Variants in NEK11 observed in about 807,000 individuals in gnomAD.
NEK11 encodes serine/threonine-protein kinase Nek11.
NEK11 carries 72 observed loss-of-function variants against 80.7 expected under a neutral mutation model. That is an observed-to-expected ratio of 0.89 (90% confidence interval 0.74 to 1.08). The LOEUF (loss-of-function observed/expected upper bound fraction) is 1.08. NEK11 is among the 50% of genes least tolerant of loss of function. NEK11 has a pLI of 0.00. For missense variants in NEK11, 764 were observed against 763.6 expected, an observed-to-expected ratio of 1.00 and a Z score of -0.01; for synonymous variants, 251 against 260.7, an observed-to-expected ratio of 0.96 and a Z score of 0.36.
rs193135263 is a variant in NEK11 at position 131,245,478 on chromosome 3, G to A, written c.1621+1982G>A. Among the ~76,000 whole-genome samples, 340 of 152,206 alleles carry A rather than the reference G, an allele frequency of 2.2e-3. 1 individual carries two copies. The highest frequency in any genetic ancestry group is 3.7e-3 in the Non-Finnish European group (253 of 67,982). ...CCTTTGGGTATATACCCAGTAGTGG[G>A]ATTGCTAGATTGAATGGTAGTTCTT... On this transcript the variant is annotated intron_variant, in intron 16 of 17. Transcript: ENST00000383366.
chr3:131,314,275 T>C (rs1360383188), intron 17 of NEK11, among the ~76,000 whole-genome samples: 1 of 152,178 alleles, frequency 6.6e-6, no homozygotes, highest in Non-Finnish European at 1.5e-5. Context: ...GGAACAACCA[T>C]CAAGAATACT....
intron 17 of NEK11, among the ~76,000 whole-genome samples, chr3:131,300,319 T>C (rs187061014): frequency 3.3e-5 from 5 of 152,318 alleles, no homozygotes; most frequent in Admixed American, 2.6e-4. Flanking sequence ...TTTTCTCCCA[T>C]TCTGTAGGCT....
Position 131,155,118 on chromosome 3 carries a change from C to T in NEK11, c.959C>T (p.Ala320Val). 2 of 1,593,712 alleles carry T rather than the reference C, an allele frequency of 1.3e-6. No individual in the cohort carries two copies. The highest frequency in any genetic ancestry group is 2.7e-5 in the African/African-American group (2 of 74,572). ...AAGGAGGCTGCTCATATAATTAATG[C>T]CATGTAAGTAATTGCTTTGTTTTTA... The part of the protein sequence containing the change: ...CQKEAAHIIN[A>V]MQKRIHLQTL... The change falls in exon 10 of 18, where the codon GCC (alanine) becomes GTC (valine). Residue 320 changes from alanine (A) to valine (V), a missense_variant. Physicochemically the swap from Ala to Val is moderately conservative, Grantham distance 64 (BLOSUM62 0). Transcript: ENST00000383366.
At chr3:131,238,407 A>G (rs2095468656) in intron 15 of NEK11, among the ~76,000 whole-genome samples, 1 of 152,186 alleles carries the variant, frequency 6.6e-6, no homozygotes, top group African/African-American at 2.4e-5. Flanking sequence ...CACAGAACAA[A>G]TACTTAGTAG....
chr3:131,319,330 G>A (rs1253478278), intron 17 of NEK11, among the ~76,000 whole-genome samples: 1 of 152,040 alleles, frequency 6.6e-6, no homozygotes, highest in Non-Finnish European at 1.5e-5. Flanking sequence ...CACTCACTAG[G>A]CACATCATTA....
intron 14 of NEK11, chr3:131,175,000 C>T (rs7639697): frequency 0.17 from 226,902 of 1,332,006 alleles, 20,267 homozygotes; most frequent in African/African-American, 0.31. Context: ...TAGCTCAGAC[C>T]TGTAGGTGGT....
chr3:131,275,941 C>A (rs923062971), intron 17 of NEK11, among the ~76,000 whole-genome samples: 1 of 152,124 alleles, frequency 6.6e-6, no homozygotes, highest in African/African-American at 2.4e-5. Flanking sequence ...GAAAAGTCCC[C>A]AAATAGGAGC....
chr3:131,178,793 T>C (rs1401158749), intron 14 of NEK11, among the ~76,000 whole-genome samples: 1 of 152,240 alleles, frequency 6.6e-6, no homozygotes, highest in Non-Finnish European at 1.5e-5. Flanking sequence ...CCTATACTTT[T>C]ATATGACTGA....
chr3:131,080,029 G>T (rs1398740397), intron 3 of NEK11, among the ~76,000 whole-genome samples: 1 of 106,186 alleles, frequency 9.4e-6, no homozygotes, highest in Admixed American at 1.0e-4. Flanking sequence ...ATATATATGT[G>T]TGTGTGTGTT....
chr3:131,101,585 TGA>T (rs1178106744), intron 4 of NEK11, among the ~76,000 whole-genome samples: 1 of 152,216 alleles, frequency 6.6e-6, no homozygotes, highest in Non-Finnish European at 1.5e-5. Flanking sequence ...CACTGTGGTC[TGA>T]GAGTATGCTT....
chr3:131,208,444 TG>T (rs1269081626), intron 14 of NEK11, among the ~76,000 whole-genome samples: 17 of 152,292 alleles, frequency 1.1e-4, no homozygotes, highest in Admixed American at 9.8e-4. Flanking sequence ...CTTAGCAATG[TG>T]GGCTCTTTTT....
At chr3:131,115,908 TTCTTTCTTTCTTTCTTTC>T (rs1560474028) in intron 5 of NEK11, among the ~76,000 whole-genome samples, 2 of 46,866 alleles carry the variant, frequency 4.3e-5, no homozygotes, top group African/African-American at 1.8e-4. Context: ...AGTGTTTTCT[TTCTTTCTTTCTTTCTTTC>T]TTTCTTTCTT....
At chr3:131,027,707 G>A (rs1253508949) in intron 1 of NEK11, 1 of 150,424 alleles carries the variant, frequency 6.6e-6, no homozygotes, top group African/African-American at 2.4e-5. Flanking sequence ...GTTTATGGTT[G>A]CGCAGAGGAG....
intron 17 of NEK11, among the ~76,000 whole-genome samples, chr3:131,300,334 G>A (rs574971910): frequency 4.6e-5 from 7 of 152,154 alleles, no homozygotes; most frequent in African/African-American, 1.7e-4. Context: ...TAGGCTGTTT[G>A]TTTACTCTGT....
intron 17 of NEK11, among the ~76,000 whole-genome samples, chr3:131,324,360 A>G (rs1247561798): frequency 6.6e-6 from 1 of 152,224 alleles, no homozygotes; most frequent in East Asian, 1.9e-4. Flanking sequence ...ATTCACTCTT[A>G]ACTAAGGAAG....
chr3:131,260,870 T>G (rs903861956), intron 16 of NEK11, among the ~76,000 whole-genome samples: 3 of 152,144 alleles, frequency 2.0e-5, no homozygotes, highest in African/African-American at 4.8e-5. Flanking sequence ...AAGGGCAGTG[T>G]CTGTGAGGAT....
intron 10 of NEK11, among the ~76,000 whole-genome samples, chr3:131,158,163 G>A (rs2674623): frequency 0.09 from 13,742 of 151,992 alleles, 1,138 homozygotes; most frequent in East Asian, 0.43. Context: ...GTGCAGCCAC[G>A]GGTGTCTTGG....
intron 7 of NEK11, among the ~76,000 whole-genome samples, chr3:131,150,312 A>C (rs972055707): frequency 2.0e-5 from 3 of 151,818 alleles, no homozygotes; most frequent in African/African-American, 7.3e-5. Context: ...TGTTGGTTGC[A>C]TTTACATCAA....
Position 131,273,519 on chromosome 3 carries a change from G to A in NEK11, c.1663G>A (p.Gly555Arg), listed in dbSNP as rs1294071002. The change falls in exon 17 of 18, where the codon GGA becomes AGA. Residue 555 changes from glycine to arginine, a missense_variant. Coordinates refer to ENST00000383366, the MANE Select transcript of NEK11 (RefSeq NM_024800.5). ...CACCATGGCTGAAGACATGTCCCCA[G>A]GACCACCAATTTTCAACAGTGTGAT... ...ITTMAEDMSP[G>R]PPIFNSVMAR... The A allele has an allele frequency of 3.1e-6, 5 of 1,613,888 alleles. No homozygotes were observed. The highest frequency in any genetic ancestry group is 3.4e-6 in the Non-Finnish European group (4 of 1,179,950).
Sources: gnomAD v4.1 joint callset for allele counts (sites outside exome capture counted in the v4.1 genomes callset) on GRCh38, gnomAD v4.1.1 for gene constraint, MANE v1.5 for transcripts, NCBI Gene and HGNC (gene_info 2026-07-23, HGNC 2026-07-21) for gene names.